ESCO2: variants seen among roughly 807,000 people sequenced by gnomAD.
ESCO2 encodes the protein N-acetyltransferase ESCO2.
In ESCO2, 51 loss-of-function variants were observed where a neutral mutation model predicts 61.7. The observed-to-expected ratio is 0.83, with a 90% CI of 0.66 to 1.04. ESCO2 has a LOEUF of 1.04. Among genes scored for constraint, ESCO2 ranks in the 50% least tolerant of loss-of-function variants. The probability of loss-of-function intolerance (pLI) is 0.00; values close to 1 mark genes in which losing one functional copy is unlikely to be tolerated. For synonymous variants in ESCO2, 230 were observed against 238.2 expected (o/e 0.97, Z 0.32); for missense variants, 692 against 686.2 (o/e 1.01, Z -0.09).
chr8:27,791,849 C>G (rs949215014), intron 7 of ESCO2, 114 bp from the exon 8 acceptor site: 9 of 885,212 alleles, frequency 1.0e-5, no homozygotes, highest in Non-Finnish European at 1.6e-5. Flanking sequence ...TCATCTTCTT[C>G]TTTTTATATC....
At chr8:27,777,985 C>T (rs1419934478) in intron 3 of ESCO2, 1 of 152,204 alleles carries the variant, frequency 6.6e-6, no homozygotes, top group Non-Finnish European at 1.5e-5. Context: ...TTTCAAACCT[C>T]AGTGGCAAAG....
chr8:27,813,289 T>C (rs1482811931), downstream of ESCO2, among the ~76,000 whole-genome samples: 1 of 151,736 alleles, frequency 6.6e-6, no homozygotes, highest in Non-Finnish European at 1.5e-5. Context: ...GGACACAGGG[T>C]GGGGAACATC....
intron 2 of ESCO2, among the ~76,000 whole-genome samples, 166 bp downstream of exon 2, chr8:27,775,733 T>C (rs965267875): frequency 6.6e-6 from 1 of 152,250 alleles, no homozygotes; most frequent in Non-Finnish European, 1.5e-5. Flanking sequence ...ATACATTAAG[T>C]TTTCATAATG....
intron 5 of ESCO2, among the ~76,000 whole-genome samples, chr8:27,786,801 T>C (rs1490772512): frequency 9.9e-5 from 14 of 141,850 alleles, no homozygotes; most frequent in Non-Finnish European, 1.7e-4. Context: ...TTTTTTTTTT[T>C]CTACTTTGTC....
chr8:27,796,280 TCTC>T (rs1179905828), intron 9 of ESCO2, among the ~76,000 whole-genome samples: 1 of 152,118 alleles, frequency 6.6e-6, no homozygotes, highest in African/African-American at 2.4e-5. Context: ...AGTTGTAATG[TCTC>T]CTCTTTCATT....
At chr8:27,799,458 ATACT>A (rs1805374824) in intron 9 of ESCO2, 79 bp from the exon 10 acceptor site, 1 of 1,375,660 alleles carries the variant, frequency 7.3e-7, no homozygotes, top group Non-Finnish European at 1.0e-6. Flanking sequence ...TAAATTTTTG[ATACT>A]TATTTAAGGA....
intron 3 of ESCO2, 151 bp from the exon 4 acceptor site, chr8:27,780,023 A>G (rs1338417537): frequency 2.4e-5 from 15 of 623,024 alleles, no homozygotes; most frequent in Admixed American, 5.7e-5. Flanking sequence ...TTTCCTAAAA[A>G]TAGTTTGAAA....
At chr8:27,774,124 T>C (rs945837719), upstream of ESCO2, among the ~76,000 whole-genome samples, 1 of 152,176 alleles carries the variant, frequency 6.6e-6, no homozygotes, top group African/African-American at 2.4e-5. Flanking sequence ...ACAATGAAGC[T>C]TCAAATGTGA....
downstream of ESCO2, among the ~76,000 whole-genome samples, chr8:27,809,103 A>G (rs780291833): frequency 6.6e-6 from 1 of 152,136 alleles, no homozygotes; most frequent in Non-Finnish European, 1.5e-5. Context: ...CCTGCTAGGA[A>G]AAGAATGCCC....
At chr8:27,796,244 C>G (rs76208705) in intron 9 of ESCO2, among the ~76,000 whole-genome samples, 10 of 152,018 alleles carry the variant, frequency 6.6e-5, no homozygotes, top group African/African-American at 2.4e-4. Flanking sequence ...TAGTCTCTTA[C>G]GATCCTTTGT....
intron 7 of ESCO2, among the ~76,000 whole-genome samples, chr8:27,791,270 A>G (rs1189011999): frequency 6.6e-6 from 1 of 152,098 alleles, no homozygotes; most frequent in Non-Finnish European, 1.5e-5. Context: ...TATTAAATTT[A>G]TTTCTAATAT....
At chr8:27,773,752 AATAAAC>A (rs1232940757), upstream of ESCO2, 1 of 152,240 alleles carries the variant, frequency 6.6e-6, no homozygotes, top group Non-Finnish European at 1.5e-5. Context: ...AATTTGAAAA[AATAAAC>A]ATAAAACTCT....
intron 8 of ESCO2, among the ~76,000 whole-genome samples, 160 bp downstream of exon 8, chr8:27,792,212 A>G (rs149563268): frequency 3.5e-4 from 53 of 152,326 alleles, no homozygotes; most frequent in African/African-American, 1.2e-3. Context: ...TGTAGGACAA[A>G]GGAGTAAAGA....
chr8:27,804,834 AT>A lies in ESCO2; in HGVS notation c.*1401del. 1.1e-6 allele frequency: 1 copy of A among 884,774 alleles called. No homozygotes were observed. The highest frequency in any genetic ancestry group is 5.2e-5 in the South Asian group (1 of 19,260). The allele number at this position is 884,774 out of a possible 1,614,324, so 54.8% of individuals were successfully genotyped here. The stretch of plus-strand genomic sequence containing the variant: ...ATTTCTTTTAAATATTTTATTTAAA[AT>A]TTTTAATTAACATTTTGTTTGCTTA... On this transcript the variant is annotated 3_prime_UTR_variant, in exon 11 of 11. Coordinates refer to ENST00000305188, the MANE Select transcript of ESCO2 (RefSeq NM_001017420.3).
downstream of ESCO2, chr8:27,809,786 G>A (rs1222668152): frequency 6.6e-6 from 1 of 152,330 alleles, no homozygotes; most frequent in Non-Finnish European, 1.5e-5. Flanking sequence ...AGATCCAAGA[G>A]ATCAAGACAA....
At chr8:27,801,689 A>G (rs1437625305) in intron 10 of ESCO2, among the ~76,000 whole-genome samples, 1 of 152,190 alleles carries the variant, frequency 6.6e-6, no homozygotes, top group Non-Finnish European at 1.5e-5. Flanking sequence ...TTACGAAAGA[A>G]CAAGAGTAGT....
At chr8:27,775,194 T>C (rs191534612) in intron 1 of ESCO2, among the ~76,000 whole-genome samples, 9 of 152,336 alleles carry the variant, frequency 5.9e-5, no homozygotes, top group African/African-American at 2.2e-4. Flanking sequence ...CAGAGGACTG[T>C]GCTTCACCCG....
At chr8:27,785,651 G>T (rs575873294) in intron 5 of ESCO2, among the ~76,000 whole-genome samples, 2 of 149,788 alleles carry the variant, frequency 1.3e-5, no homozygotes, top group Admixed American at 6.7e-5. Flanking sequence ...AGTGAGCCAA[G>T]ATGGTGCCAC....
At chr8:27,782,471 G>T (rs796357969) in intron 4 of ESCO2, among the ~76,000 whole-genome samples, 1 of 152,086 alleles carries the variant, frequency 6.6e-6, no homozygotes, top group African/African-American at 2.4e-5. Context: ...GCCACGTTGG[G>T]CAGGGTGGTC....
Sources: gnomAD v4.1 joint callset for allele counts (sites outside exome capture counted in the v4.1 genomes callset) on GRCh38, gnomAD v4.1.1 for gene constraint, MANE v1.5 for transcripts, NCBI Gene and HGNC (gene_info 2026-07-23, HGNC 2026-07-21) for gene names.